Variants in ARHGAP6 observed in about 807,000 individuals in gnomAD.
The protein encoded by ARHGAP6 is rho GTPase-activating protein 6.
Under a neutral mutation model 55.7 loss-of-function variants are expected in ARHGAP6, and 16 were observed. The ratio of observed to expected loss-of-function variants is 0.29; its 90% confidence interval spans 0.19 to 0.44. The LOEUF is 0.44. Among genes scored for constraint, ARHGAP6 ranks in the 20% least tolerant of loss-of-function variants. The pLI is 1.00. For missense variants in ARHGAP6, 698 were observed against 808.9 expected (o/e 0.86, Z 1.66); for synonymous variants, 382 against 360.9 (o/e 1.06, Z -0.66).
chrX:11,148,441 C>T (rs2045727806), intron 10 of ARHGAP6: 1 of 155,427 alleles, frequency 6.4e-6, no homozygotes, highest in African/African-American at 3.1e-5. Context: ...GCTTCTCTTT[C>T]CAGTCTCAGA....
intron 9 of ARHGAP6, among the ~76,000 whole-genome samples, chrX:11,162,248 C>T (rs1434620109): frequency 9.2e-6 from 1 of 108,754 alleles, no homozygotes; most frequent in Non-Finnish European, 1.9e-5. Flanking sequence ...GGAAGAGATG[C>T]TGTTATCAAC....
At chrX:11,277,503 A>G (rs975207928) in intron 1 of ARHGAP6, among the ~76,000 whole-genome samples, 17 of 111,339 alleles carry the variant, frequency 1.5e-4, no homozygotes, top group African/African-American at 5.2e-4. Flanking sequence ...TTAGTGCAAA[A>G]CTTGTTTTCC....
At chrX:11,271,756 T>A (rs2047696399) in intron 1 of ARHGAP6, among the ~76,000 whole-genome samples, 1 of 111,835 alleles carries the variant, frequency 8.9e-6, no homozygotes. Flanking sequence ...AGTTATTCAT[T>A]TTTAGTTGCA....
At chrX:11,453,428 C>T (rs1430415132) in intron 1 of ARHGAP6, among the ~76,000 whole-genome samples, 2 of 107,220 alleles carry the variant, frequency 1.9e-5, no homozygotes, top group East Asian at 2.9e-4. Flanking sequence ...TGGCCTCCAA[C>T]GGGGACCCTT....
At chrX:11,337,191 T>C (rs2048649014) in intron 1 of ARHGAP6, among the ~76,000 whole-genome samples, 1 of 111,181 alleles carries the variant, frequency 9.0e-6, no homozygotes. Context: ...TATAGATATA[T>C]AGATGTACAT....
chrX:11,142,267 T>C lies in ARHGAP6; in HGVS notation c.2223A>G (p.Thr741=). The C allele has an allele frequency of 1.7e-6, 2 of 1,203,614 alleles. No individual in the cohort carries two copies. Among genetic ancestry groups the C allele is most frequent in the Non-Finnish European group, 2.2e-6 (2 of 890,201 alleles). ...CTGGGTCTTTGGATCCGCTTTTTAA[T>C]GTTGAATGCCAAGTTCCCCAGATAT... The part of the protein sequence containing the change: ...PFDIWGTWHS[T]LKSGSKDPGM... Residue 741 remains threonine (T), a synonymous_variant, in exon 12 of 13, where the codon ACA becomes ACG. Transcript: ENST00000337414.
Position 11,517,905 on chromosome X carries a change from A to G in ARHGAP6, c.588+146336T>C, listed in dbSNP as rs543351073. Among the ~76,000 whole-genome samples the G allele has an allele frequency of 1.9e-4, 21 of 111,225 alleles. No individual in the cohort carries two copies. The South Asian group carries it at 7.4e-3, about 39-fold the overall frequency. On this transcript the variant is annotated intron_variant, in intron 1 of 12. Transcript: ENST00000337414. The stretch of plus-strand genomic sequence containing the variant: ...ACCTAGATGATGGGTTGATAGGTAC[A>G]GCAAACCACCATGGCACACGTTTAC...
intron 1 of ARHGAP6, among the ~76,000 whole-genome samples, chrX:11,622,839 C>T (rs749352540): frequency 1.9e-3 from 212 of 110,694 alleles, no homozygotes; most frequent in Non-Finnish European, 3.2e-3. Flanking sequence ...TTTTTAATGG[C>T]TCTATGCCAA....
At chrX:11,563,742 GTGAAGTTAAACTTCACTT>G (rs747972551) in intron 1 of ARHGAP6, among the ~76,000 whole-genome samples, 87 of 110,850 alleles carry the variant, frequency 7.8e-4, no homozygotes, top group African/African-American at 2.4e-3. Context: ...TAAAATCAAA[GTGAAGTTAAACTTCACTT>G]TGAAGTTAAA....
Position 11,139,169 on chromosome X carries a change from A to G in ARHGAP6, c.2619T>C (p.Ser873=). 8.3e-7 allele frequency: 1 copy of G among 1,201,362 alleles called. No individual in the cohort carries two copies. Among genetic ancestry groups the G allele is most frequent in the Non-Finnish European group, 1.1e-6 (1 of 892,041 alleles). The change falls in exon 13 of 13, where the codon AGT becomes AGC. Residue 873 remains serine (S), a synonymous_variant. Coordinates refer to ENST00000337414, the MANE Select transcript of ARHGAP6 (RefSeq NM_013427.3). ...ATPQCQRPHG[S]GRDDKRPPPP... The stretch of plus-strand genomic sequence containing the variant: ...GCGGGGGCCGCTTGTCATCCCTCCC[A>G]CTCCCATGGGGTCTTTGGCACTGAG...
chrX:11,319,763 G>T (rs1001472912), intron 1 of ARHGAP6, among the ~76,000 whole-genome samples: 9 of 111,928 alleles, frequency 8.0e-5, no homozygotes, highest in Admixed American at 4.8e-4. Context: ...TACATTTCTT[G>T]CTTTTACTTG....
chrX:11,139,415 G>C lies in ARHGAP6; in HGVS notation c.2373C>G (p.Asp791Glu), dbSNP rs1009758. 257,526 of 1,187,466 alleles carry C rather than the reference G, an allele frequency of 0.22. 19,963 individuals are homozygous for C. Among genetic ancestry groups the C allele is most frequent in the Middle Eastern group, 0.26 (1,088 of 4,228 alleles). ...PRWQGSPAEL[D>E]SDTQGARRTQ... ...TCCTCCGAGCCCCCTGCGTGTCGCT[G>C]TCCAGCTCTGCGGGGCTCCCCTGCC... The change falls in exon 13 of 13, where the codon GAC becomes GAG. Residue 791 changes from aspartate (D) to glutamate (E), a missense_variant. Transcript: ENST00000337414.
At chrX:11,632,790 G>A (rs748681988) in intron 1 of ARHGAP6, among the ~76,000 whole-genome samples, 12 of 112,300 alleles carry the variant, frequency 1.1e-4, no homozygotes, top group Admixed American at 9.4e-4. Context: ...GCTGTAATGG[G>A]CACTGCTGGT....
chrX:11,442,062 A>G (rs779253600), intron 1 of ARHGAP6, among the ~76,000 whole-genome samples: 1 of 111,893 alleles, frequency 8.9e-6, no homozygotes, highest in Non-Finnish European at 1.9e-5. Context: ...GTATATAACT[A>G]TTGGATTGAA....
intron 1 of ARHGAP6, among the ~76,000 whole-genome samples, chrX:11,493,824 A>C (rs967821880): frequency 3.9e-5 from 4 of 101,619 alleles, no homozygotes; most frequent in African/African-American, 1.4e-4. Flanking sequence ...TTCCCATACA[A>C]AACAGAATGC....
chrX:11,580,459 A>T (rs1388072545), intron 1 of ARHGAP6, among the ~76,000 whole-genome samples: 1 of 111,851 alleles, frequency 8.9e-6, no homozygotes, highest in Non-Finnish European at 1.9e-5. Context: ...ACGAAGCATG[A>T]CCAAAGAGGA....
chrX:11,214,673 G>T (rs1356394926), intron 2 of ARHGAP6, among the ~76,000 whole-genome samples: 2 of 113,431 alleles, frequency 1.8e-5, no homozygotes, highest in African/African-American at 6.4e-5. Context: ...GGTCCCTGAG[G>T]GGGAGGGCAT....
intron 1 of ARHGAP6, among the ~76,000 whole-genome samples, chrX:11,652,309 G>A (rs930431790): frequency 1.8e-5 from 2 of 111,776 alleles, no homozygotes; most frequent in Non-Finnish European, 3.8e-5. Flanking sequence ...TGTATATGGT[G>A]AAAGGAAAGG....
At chrX:11,262,614 GGA>G (rs1356157231) in intron 1 of ARHGAP6, among the ~76,000 whole-genome samples, 2 of 111,491 alleles carry the variant, frequency 1.8e-5, no homozygotes, top group African/African-American at 6.5e-5. Context: ...CCAAGGCATC[GGA>G]ATCACGTGGG....
Sources: allele counts gnomAD v4.1 joint callset (sites outside exome capture counted in the v4.1 genomes callset), GRCh38; gene constraint gnomAD v4.1.1; transcripts MANE v1.5; gene names NCBI Gene and HGNC (gene_info 2026-07-23, HGNC 2026-07-21).